The following MTUS2 variants were observed in gnomAD, a reference collection of about 807,000 sequenced individuals.
The protein encoded by MTUS2 is microtubule-associated tumor suppressor candidate 2.
Under a neutral mutation model 114.1 loss-of-function variants are expected in MTUS2, and 40 were observed. That is an observed-to-expected ratio of 0.35 (90% CI 0.27 to 0.46). The LOEUF (loss-of-function observed/expected upper bound fraction) is 0.46. MTUS2 is among the 20% of genes least tolerant of loss of function. The pLI, the probability that MTUS2 is intolerant of heterozygous loss-of-function variation, is 1.00. For synonymous variants in MTUS2, 688 were observed against 672.0 expected, an observed-to-expected ratio of 1.02 and a Z score of -0.37; for missense variants, 1,679 against 1,705.4, an observed-to-expected ratio of 0.98 and a Z score of 0.27.
chr13:29,499,069 C>T (rs990687568), intron 14 of MTUS2, among the ~76,000 whole-genome samples: 2 of 152,222 alleles, frequency 1.3e-5, no homozygotes, highest in Non-Finnish European at 2.9e-5. Context: ...CACAGGGGCT[C>T]ACCCTCAGGA....
At chr13:29,345,986 C>T (rs1413184416) in intron 7 of MTUS2, among the ~76,000 whole-genome samples, 1 of 152,204 alleles carries the variant, frequency 6.6e-6, no homozygotes, top group Admixed American at 6.5e-5. Context: ...GGAGTATCTG[C>T]AAAGAGTCCT....
At chr13:29,349,729 C>T (rs1307915795) in intron 7 of MTUS2, among the ~76,000 whole-genome samples, 1 of 149,600 alleles carries the variant, frequency 6.7e-6, no homozygotes, top group African/African-American at 2.4e-5. Flanking sequence ...GGAAAATCTG[C>T]TGTTATTCTT....
chr13:29,426,746 A>T (rs920118149), intron 8 of MTUS2, among the ~76,000 whole-genome samples: 1 of 152,200 alleles, frequency 6.6e-6, no homozygotes. Context: ...TTAGTTAGGC[A>T]TGTTTTGTAG....
rs1282452818 is a variant in MTUS2, at chr13:28,933,511, GCAA to G, written c.-242-90943_-242-90941del. ...ATCCCATTAAAACAATACCTTCACAGCAACATCTTGACTGGTGTTTGGGCGCTA... is the reference window on the plus strand; with the variant it reads ...ATCCCATTAAAACAATACCTTCACAGCATCTTGACTGGTGTTTGGGCGCTA... On this transcript the variant is annotated intron_variant, in intron 2 of 15. Transcript: ENST00000612955. Among the ~76,000 whole-genome samples, 7 of 152,168 alleles carry G rather than the reference GCAA, an allele frequency of 4.6e-5. No homozygotes were observed. In the East Asian group the frequency reaches 1.3e-3, roughly 29 times the overall value.
chr13:29,209,958 T>G (rs1393633240), intron 5 of MTUS2, among the ~76,000 whole-genome samples: 1 of 152,218 alleles, frequency 6.6e-6, no homozygotes, highest in Non-Finnish European at 1.5e-5. Context: ...GAGGTTCTTG[T>G]ATTTGGCTAT....
intron 5 of MTUS2, among the ~76,000 whole-genome samples, chr13:29,263,391 C>A (rs1043607993): frequency 4.6e-5 from 7 of 152,078 alleles, no homozygotes; most frequent in African/African-American, 1.4e-4. Context: ...AGACCCAAGG[C>A]CACCTTCTGG....
At chr13:28,875,291 A>G (rs2138115941) in intron 2 of MTUS2, among the ~76,000 whole-genome samples, 1 of 152,196 alleles carries the variant, frequency 6.6e-6, no homozygotes, top group Middle Eastern at 3.4e-3. Flanking sequence ...CTCCAAACTT[A>G]GATAAAGCAC....
At chr13:29,211,231 C>T (rs954749914) in intron 5 of MTUS2, among the ~76,000 whole-genome samples, 3 of 152,228 alleles carry the variant, frequency 2.0e-5, no homozygotes, top group South Asian at 2.1e-4. Flanking sequence ...TGCTGGGTCA[C>T]GCAGGTTGCC....
At chr13:29,057,854 T>G (rs1007300947) in intron 4 of MTUS2, among the ~76,000 whole-genome samples, 1 of 152,152 alleles carries the variant, frequency 6.6e-6, no homozygotes, top group East Asian at 1.9e-4. Context: ...GTTAGTTGAT[T>G]ATTATTATGC....
chr13:29,138,723 TA>T (rs1368812814), intron 5 of MTUS2, among the ~76,000 whole-genome samples: 2 of 151,506 alleles, frequency 1.3e-5, no homozygotes, highest in Non-Finnish European at 2.9e-5. Context: ...TTATGATAAA[TA>T]AATTTTTTCT....
chr13:29,257,873 G>A (rs1451750072), intron 5 of MTUS2, among the ~76,000 whole-genome samples: 1 of 152,200 alleles, frequency 6.6e-6, no homozygotes, highest in African/African-American at 2.4e-5. Context: ...CCACTAGGCA[G>A]ATGGCTCCAG....
At chr13:29,115,053 A>G (rs1275412228) in intron 5 of MTUS2, among the ~76,000 whole-genome samples, 1 of 152,240 alleles carries the variant, frequency 6.6e-6, no homozygotes, top group Admixed American at 6.5e-5. Context: ...AAGTAATGCA[A>G]GATGTGAGAG....
chr13:29,394,912 T>G (rs1456709159), intron 8 of MTUS2, among the ~76,000 whole-genome samples: 1 of 152,274 alleles, frequency 6.6e-6, no homozygotes, highest in African/African-American at 2.4e-5. Flanking sequence ...AGTTTCATCC[T>G]GAAACACCCC....
At chr13:28,868,310 T>C (rs1294599062) in intron 2 of MTUS2, among the ~76,000 whole-genome samples, 2 of 152,206 alleles carry the variant, frequency 1.3e-5, no homozygotes, top group Non-Finnish European at 2.9e-5. Flanking sequence ...ATTTCTGCAG[T>C]GGTTTAGCTC....
intron 5 of MTUS2, among the ~76,000 whole-genome samples, chr13:29,178,175 G>A (rs1030151865): frequency 7.9e-5 from 12 of 152,098 alleles, no homozygotes; most frequent in African/African-American, 2.7e-4. Context: ...GTCTGATCAC[G>A]TTGAATACCA....
chr13:29,311,538 A>C (rs950793963), intron 6 of MTUS2, among the ~76,000 whole-genome samples: 2 of 152,164 alleles, frequency 1.3e-5, no homozygotes, highest in African/African-American at 4.8e-5. Context: ...AATGAAGAAA[A>C]AGTGTATTTT....
chr13:29,043,811 A>C (rs1244028257), intron 4 of MTUS2, among the ~76,000 whole-genome samples: 1 of 151,850 alleles, frequency 6.6e-6, no homozygotes, highest in East Asian at 1.9e-4. Flanking sequence ...ATAAACAATT[A>C]GCTAGAATTA....
chr13:29,393,337 T>TCTC (rs34077075), intron 8 of MTUS2, among the ~76,000 whole-genome samples: 124,455 of 151,876 alleles, frequency 0.82, 52,323 homozygotes, highest in Non-Finnish European at 0.91. Flanking sequence ...CTTGAGCACA[T>TCTC]CTTGTCGCTC....
chr13:29,187,372 AAAGAG>A (rs1894270246), intron 5 of MTUS2, among the ~76,000 whole-genome samples: 1 of 152,194 alleles, frequency 6.6e-6, no homozygotes. Context: ...AAGAGAAATT[AAAGAG>A]AAGACTCAAA....
Sources: gnomAD v4.1 joint callset for allele counts (sites outside exome capture counted in the v4.1 genomes callset) on GRCh38, gnomAD v4.1.1 for gene constraint, MANE v1.5 for transcripts, NCBI Gene and HGNC (gene_info 2026-07-23, HGNC 2026-07-21) for gene names.